The following SCARA5 variants were observed in gnomAD, a reference collection of about 807,000 sequenced individuals.
SCARA5 encodes the protein scavenger receptor class A, member 5 (putative).
Under a neutral mutation model 46.3 loss-of-function variants are expected in SCARA5, and 45 were observed. That is an observed-to-expected ratio of 0.97 (90% CI 0.76 to 1.24). SCARA5 has a LOEUF of 1.24. Among genes scored for constraint, SCARA5 ranks in the 50% most tolerant of loss-of-function variants. The probability of loss-of-function intolerance (pLI) is 0.00; values close to 1 mark genes in which losing one functional copy is unlikely to be tolerated. For synonymous variants in SCARA5, 333 were observed against 306.5 expected, an observed-to-expected ratio of 1.09 and a Z score of -0.90; for missense variants, 680 against 689.0, an observed-to-expected ratio of 0.99 and a Z score of 0.15.
At chr8:27,944,803 G>A (rs1319372923) in intron 3 of SCARA5, among the ~76,000 whole-genome samples, 2 of 152,090 alleles carry the variant, frequency 1.3e-5, no homozygotes, top group Non-Finnish European at 2.9e-5. Context: ...CTGGGAGGCA[G>A]AGGTTGCAGT....
intron 3 of SCARA5, among the ~76,000 whole-genome samples, chr8:27,942,481 T>G (rs984419266): frequency 6.6e-6 from 1 of 152,198 alleles, no homozygotes; most frequent in Non-Finnish European, 1.5e-5. Context: ...GGCAGGTTGA[T>G]CCCAGCCCCT....
intron 4 of SCARA5, among the ~76,000 whole-genome samples, chr8:27,913,399 G>C (rs1807410539): frequency 6.6e-6 from 1 of 152,216 alleles, no homozygotes; most frequent in Non-Finnish European, 1.5e-5. Context: ...GATGCTGCCT[G>C]TAGGTGAAGC....
chr8:27,892,697 C>T (rs1807005430), intron 7 of SCARA5, among the ~76,000 whole-genome samples: 1 of 151,392 alleles, frequency 6.6e-6, no homozygotes. Flanking sequence ...CAAGCCCCGC[C>T]TCCGGGGTTC....
rs117279990 is a variant in SCARA5, at chr8:27,900,169, C to T, written c.1153+4609G>A. ...AAAAACCAAAAAAACAAAAAACAAACAAAAAAAGGTGCAGTCGCTGTGTCT... is the reference window on the plus strand; with the variant it reads ...AAAAACCAAAAAAACAAAAAACAAATAAAAAAAGGTGCAGTCGCTGTGTCT... On this transcript the variant is annotated intron_variant, in intron 7 of 8. Transcript: ENST00000354914. Among the ~76,000 whole-genome samples the T allele has an allele frequency of 0.012, 1,772 of 151,318 alleles. 87 individuals are homozygous for T. In the East Asian group the frequency reaches 0.12, roughly 10 times the overall value.
chr8:27,976,088 G>C (rs1053571932), intron 2 of SCARA5, among the ~76,000 whole-genome samples: 4 of 152,122 alleles, frequency 2.6e-5, no homozygotes, highest in African/African-American at 9.7e-5. Flanking sequence ...TTTTGGGAAG[G>C]GATGCCCGGT....
In SCARA5 at chr8:27,903,807, G is replaced by GA. The variant is rs397892654; in HGVS notation, c.1153+970dup. ...GCCCCTGTCCCTGAGTGTCCGGGGGGAAGCTATTAACACAGGGACTCTTTC... is the reference window on the plus strand; with the variant it reads ...GCCCCTGTCCCTGAGTGTCCGGGGGGAAAGCTATTAACACAGGGACTCTTTC... On this transcript the variant is annotated intron_variant, in intron 7 of 8. Coordinates refer to ENST00000354914, the MANE Select transcript of SCARA5 (RefSeq NM_173833.6). The GA allele has an allele frequency of 2.6e-5, 4 of 151,848 alleles. No homozygotes were observed. The East Asian group carries it at 7.7e-4, about 29-fold the overall frequency. 9.4% of individuals were successfully genotyped at this position (151,848 alleles called of 1,614,324 possible).
At chr8:27,907,041 G>T in intron 6 of SCARA5, 107 bp downstream of exon 6, 2 of 715,474 alleles carry the variant, frequency 2.8e-6, no homozygotes, top group South Asian at 2.3e-5. Flanking sequence ...AGGTTGCCCC[G>T]CTGGTCCGTG....
chr8:27,967,516 G>A (rs975496432), intron 2 of SCARA5, among the ~76,000 whole-genome samples: 11 of 152,130 alleles, frequency 7.2e-5, no homozygotes, highest in East Asian at 1.9e-4. Flanking sequence ...GGGTGGGGGC[G>A]GCGGGGGGAC....
At chr8:27,892,916 T>A (rs1194132265) in intron 7 of SCARA5, among the ~76,000 whole-genome samples, 1 of 152,106 alleles carries the variant, frequency 6.6e-6, no homozygotes, top group Non-Finnish European at 1.5e-5. Context: ...TCTCACCTCT[T>A]CTTAAAGTGG....
At chr8:27,932,040 G>C (rs868282435) in intron 3 of SCARA5, among the ~76,000 whole-genome samples, 1 of 151,972 alleles carries the variant, frequency 6.6e-6, no homozygotes, top group Non-Finnish European at 1.5e-5. Flanking sequence ...GTGCAGTGGC[G>C]TCATCTCGGC....
rs568190811 is a variant in SCARA5, at chr8:27,874,567, G to C, written c.1352-2497C>G. Among the ~76,000 whole-genome samples the C allele has an allele frequency of 1.3e-3, 204 of 152,356 alleles. 1 individual carries two copies. Among genetic ancestry groups the C allele is most frequent in the African/African-American group, 4.6e-3 (191 of 41,588 alleles). Reference sequence around the variant, plus strand: ...CCTACTCCAACTGCAGAACTGAGTAGCTGTGACAGAGACCACCTGGCCCAC... The same window carrying C: ...CCTACTCCAACTGCAGAACTGAGTACCTGTGACAGAGACCACCTGGCCCAC... On this transcript the variant is annotated intron_variant, in intron 8 of 8. Coordinates refer to ENST00000354914, the MANE Select transcript of SCARA5 (RefSeq NM_173833.6).
intron 3 of SCARA5, among the ~76,000 whole-genome samples, chr8:27,935,754 C>T (rs1206107900): frequency 1.3e-5 from 2 of 152,124 alleles, no homozygotes; most frequent in Admixed American, 6.5e-5. Flanking sequence ...CCCACCCATT[C>T]CCAGCAGATA....
At chr8:27,877,772 C>T (rs1231305881) in intron 8 of SCARA5, among the ~76,000 whole-genome samples, 1 of 152,156 alleles carries the variant, frequency 6.6e-6, no homozygotes, top group Non-Finnish European at 1.5e-5. Flanking sequence ...CCTTCGAACT[C>T]GCCCCTCAAA....
In SCARA5 at chr8:27,957,701, A is replaced by G. The variant is rs921956428; in HGVS notation, c.241+8713T>C. ...GTGGGGCCGTGGGCCAGAGTAGGCA[A>G]TGCGTCTAAGTCTCAGTTTCCTCAT... On this transcript the variant is annotated intron_variant, in intron 3 of 8. Transcript: ENST00000354914. Among the ~76,000 whole-genome samples the G allele has an allele frequency of 2.0e-5, 3 of 152,210 alleles. No homozygotes were observed. The East Asian group carries it at 5.8e-4, about 29-fold the overall frequency.
In SCARA5 at chr8:27,922,070, C is replaced by G. The variant is rs1390170748; in HGVS notation, c.417G>C (p.Leu139Phe). Reference protein sequence around the residue: ...QDALQNQSDSLLALAGAVQRL... With the variant: ...QDALQNQSDSFLALAGAVQRL... ...GCTGCACTGCGCCCGCCAGCGCCAGCAACGAGTCTGACTGGTTCTGCAGCG... is the reference window on the plus strand; with the variant it reads ...GCTGCACTGCGCCCGCCAGCGCCAGGAACGAGTCTGACTGGTTCTGCAGCG... The change falls in exon 4 of 9, where the codon TTG becomes TTC. Residue 139 changes from leucine to phenylalanine, a missense_variant. Transcript: ENST00000354914. The G allele has an allele frequency of 3.8e-6, 6 of 1,594,744 alleles. No homozygotes were observed. The highest frequency in any genetic ancestry group is 1.7e-5 in the Admixed American group (1 of 57,814).
At position 27,984,652 on chromosome 8, in the gene SCARA5, TCATTCATCCATC is replaced by T. The variant is rs1316885268; in HGVS notation, c.112+2840_112+2851del. On this transcript the variant is annotated intron_variant, in intron 2 of 8. Coordinates refer to ENST00000354914, the MANE Select transcript of SCARA5 (RefSeq NM_173833.6). ...TCCATCCATTCATTCACCCATCCAT[TCATTCATCCATC>T]CATTCACCCATCCATCCATGCATCC... Among the ~76,000 whole-genome samples the T allele has an allele frequency of 7.3e-3, 1,092 of 150,010 alleles. 3 individuals carry two copies. The highest frequency in any genetic ancestry group is 0.026 in the African/African-American group (1,034 of 40,544).
At chr8:27,954,966 A>C (rs1808184468) in intron 3 of SCARA5, among the ~76,000 whole-genome samples, 1 of 152,224 alleles carries the variant, frequency 6.6e-6, no homozygotes, top group South Asian at 2.1e-4. Flanking sequence ...TTTGACAACA[A>C]GCAGGAGAAA....
chr8:27,975,082 C>A (rs1206601487), intron 2 of SCARA5, among the ~76,000 whole-genome samples: 1 of 152,148 alleles, frequency 6.6e-6, no homozygotes, highest in Non-Finnish European at 1.5e-5. Context: ...GACTTTCAGC[C>A]TTACCCCCAA....
intron 2 of SCARA5, among the ~76,000 whole-genome samples, chr8:27,971,664 G>A (rs946720527): frequency 1.3e-5 from 2 of 152,192 alleles, no homozygotes; most frequent in African/African-American, 4.8e-5. Context: ...AGTGAGGGTG[G>A]CATCTGGAAG....
Sources: gnomAD v4.1 joint callset for allele counts (sites outside exome capture counted in the v4.1 genomes callset) on GRCh38, gnomAD v4.1.1 for gene constraint, MANE v1.5 for transcripts, NCBI Gene and HGNC (gene_info 2026-07-23, HGNC 2026-07-21) for gene names.